The following DNAH7 variants were observed in gnomAD, a reference collection of about 807,000 sequenced individuals.
The protein encoded by DNAH7 is dynein axonemal heavy chain 7.
DNAH7 carries 397 observed loss-of-function variants against 444.6 expected under a neutral mutation model. That is an observed-to-expected ratio of 0.89 (90% confidence interval 0.82 to 0.97). The LOEUF is 0.97. Ranked by LOEUF, DNAH7 falls within the 50% of genes least tolerant of loss-of-function variation. The pLI is 0.00. For missense variants in DNAH7, 4,902 were observed against 4,800.8 expected, an observed-to-expected ratio of 1.02 and a Z score of -0.62; for synonymous variants, 1,636 against 1,624.4, an observed-to-expected ratio of 1.01 and a Z score of -0.17.
At chr2:195,885,997 G>T in intron 34 of DNAH7, 144 bp downstream of exon 34, 2 of 959,556 alleles carry the variant, frequency 2.1e-6, no homozygotes, top group Non-Finnish European at 3.0e-6. Flanking sequence ...TTTGGGGCCT[G>T]GCTCTTTGCT....
intron 27 of DNAH7, chr2:195,904,715 G>A (rs900214548): frequency 2.6e-5 from 4 of 152,288 alleles, no homozygotes; most frequent in African/African-American, 9.7e-5. Flanking sequence ...GCAGCAAGGT[G>A]TGGCAGGGGG....
intron 34 of DNAH7, among the ~76,000 whole-genome samples, chr2:195,885,135 A>G (rs928854289): frequency 2.6e-5 from 4 of 152,232 alleles, no homozygotes; most frequent in African/African-American, 7.2e-5. Context: ...TAAATTATTA[A>G]GGTATTAAGG....
rs1693028399 is a variant in DNAH7 at position 195,987,881 on chromosome 2, T to C, written c.1626+76A>G. 3 of 1,372,558 alleles carry C rather than the reference T, an allele frequency of 2.2e-6. No individual in the cohort carries two copies. In the African/African-American group the frequency reaches 4.4e-5, roughly 20 times the overall value. The allele number at this position is 1,372,558 out of a possible 1,614,324, so 85.0% of individuals were successfully genotyped here. A position where few individuals can be genotyped will look rare whatever the true frequency, so the allele number is the denominator to read the frequency against. ...GATAATGTTCTAATTATCTGTGTTCTAAAAATACATCCTAATAAAACTGGG... is the reference window on the plus strand; with the variant it reads ...GATAATGTTCTAATTATCTGTGTTCCAAAAATACATCCTAATAAAACTGGG... On this transcript the variant is annotated intron_variant, in intron 13 of 64. Coordinates refer to ENST00000312428, the MANE Select transcript of DNAH7 (RefSeq NM_018897.3).
intron 59 of DNAH7, among the ~76,000 whole-genome samples, chr2:195,776,530 G>A (rs560140627): frequency 6.6e-6 from 1 of 152,046 alleles, no homozygotes; most frequent in Non-Finnish European, 1.5e-5. Context: ...TTTTTAATGG[G>A]GGGGAGGGGA....
At chr2:195,816,488 T>C in intron 51 of DNAH7, 140 bp downstream of exon 51, 1 of 645,864 alleles carries the variant, frequency 1.5e-6, no homozygotes, top group South Asian at 2.1e-5. Context: ...TATTTACTTC[T>C]GATACGATGA....
At chr2:195,952,118 C>T (rs1430640887) in intron 19 of DNAH7, among the ~76,000 whole-genome samples, 1 of 152,182 alleles carries the variant, frequency 6.6e-6, no homozygotes, top group Non-Finnish European at 1.5e-5. Flanking sequence ...TCTAGTAAGG[C>T]AGGCCTGGTG....
intron 15 of DNAH7, among the ~76,000 whole-genome samples, chr2:195,976,747 CAGAG>C (rs60653466): frequency 0.045 from 4,046 of 90,588 alleles, 106 homozygotes; most frequent in African/African-American, 0.053. Flanking sequence ...GAGAGGCAGA[CAGAG>C]AGAGAGAGAG....
At chr2:195,801,363 A>G (rs1184605553) in intron 54 of DNAH7, among the ~76,000 whole-genome samples, 3 of 152,170 alleles carry the variant, frequency 2.0e-5, no homozygotes, top group Non-Finnish European at 2.9e-5. Context: ...AAATTCTTGC[A>G]AATGAATAGA....
intron 12 of DNAH7, among the ~76,000 whole-genome samples, chr2:195,991,394 G>A (rs1260564679): frequency 6.6e-6 from 1 of 152,024 alleles, no homozygotes; most frequent in Non-Finnish European, 1.5e-5. Flanking sequence ...TCTTTTTCCT[G>A]AAAGCTTAAG....
At chr2:195,883,818 G>T (rs1368354076) in intron 35 of DNAH7, among the ~76,000 whole-genome samples, 1 of 152,034 alleles carries the variant, frequency 6.6e-6, no homozygotes, top group Non-Finnish European at 1.5e-5. Flanking sequence ...TTTATCTTAA[G>T]GATATAATCA....
rs559414731 is a variant in DNAH7, at chr2:195,932,509, T to C, written c.3471+2082A>G. ...GTCTTGTGCCAGTTTTCAAAGGGAA[T>C]GCTTCTAGTTTTTGCCCATTCAGTA... is the stretch of plus-strand genomic sequence containing the variant. On this transcript the variant is annotated intron_variant, in intron 21 of 64. Transcript: ENST00000312428. Among the ~76,000 whole-genome samples the C allele has an allele frequency of 1.8e-4, 28 of 152,296 alleles. No homozygotes were observed. The South Asian group carries it at 5.8e-3, about 32-fold the overall frequency.
rs1338639594 is a variant in DNAH7, at chr2:195,858,903, C to T, written c.7737-99G>A. 21 of 982,270 alleles carry T rather than the reference C, an allele frequency of 2.1e-5. No individual in the cohort carries two copies. The East Asian group carries it at 3.9e-4, about 18-fold the overall frequency. 60.8% of individuals were successfully genotyped at this position (982,270 alleles called of 1,614,324 possible). A position where few individuals can be genotyped will look rare whatever the true frequency, so the allele number is the denominator to read the frequency against. Reference sequence around the variant, plus strand: ...CTGAGCTTTCTAGGCTTTTTCAAGACATAACTACGGAGTGGTCTAAAAGAT... The same window carrying T: ...CTGAGCTTTCTAGGCTTTTTCAAGATATAACTACGGAGTGGTCTAAAAGAT... On this transcript the variant is annotated intron_variant, in intron 42 of 64. Coordinates refer to ENST00000312428, the MANE Select transcript of DNAH7 (RefSeq NM_018897.3).
At chr2:195,891,253 T>G (rs1207232215) in intron 31 of DNAH7, among the ~76,000 whole-genome samples, 1 of 152,228 alleles carries the variant, frequency 6.6e-6, no homozygotes, top group Admixed American at 6.5e-5. Context: ...CTCTAAGCAT[T>G]GGCGTATATC....
intron 10 of DNAH7, among the ~76,000 whole-genome samples, chr2:196,006,395 A>G (rs1199594773): frequency 6.6e-6 from 1 of 152,188 alleles, no homozygotes; most frequent in Non-Finnish European, 1.5e-5. Flanking sequence ...AAATCAATGT[A>G]ATACGCCATA....
chr2:195,994,352 T>C (rs1365897143), intron 12 of DNAH7: 1 of 632,174 alleles, frequency 1.6e-6, no homozygotes, highest in Non-Finnish European at 2.7e-6. Flanking sequence ...GACAGTCCTC[T>C]TGCAGCAGGG....
At chr2:195,880,546 T>C (rs1404096398) in intron 36 of DNAH7, among the ~76,000 whole-genome samples, 3 of 151,796 alleles carry the variant, frequency 2.0e-5, no homozygotes, top group Non-Finnish European at 4.4e-5. Flanking sequence ...GGTTTCACCG[T>C]GTTAGCCAGG....
intron 57 of DNAH7, among the ~76,000 whole-genome samples, chr2:195,793,820 C>T (rs1018430515): frequency 2.6e-5 from 4 of 152,184 alleles, no homozygotes; most frequent in Admixed American, 2.0e-4. Context: ...TTTTAGGTCA[C>T]AGACATTCAC....
At chr2:195,857,798 A>T in intron 43 of DNAH7, 75 bp from the exon 44 acceptor site, 1 of 1,271,222 alleles carries the variant, frequency 7.9e-7, no homozygotes, top group Non-Finnish European at 1.1e-6. Context: ...CCTATTTTCA[A>T]ACTAAGCATA....
chr2:195,775,696 AT>A, intron 60 of DNAH7, 149 bp downstream of exon 60: 1 of 795,814 alleles, frequency 1.3e-6, no homozygotes, highest in Non-Finnish European at 1.8e-6. Context: ...TCAAATCCTT[AT>A]TTAAGTTATG....
Sources: gnomAD v4.1 joint callset for allele counts (sites outside exome capture counted in the v4.1 genomes callset) on GRCh38, gnomAD v4.1.1 for gene constraint, MANE v1.5 for transcripts, NCBI Gene and HGNC (gene_info 2026-07-23, HGNC 2026-07-21) for gene names.